The following DSCAML1 variants were observed in gnomAD, a reference collection of about 807,000 sequenced individuals.
DSCAML1 encodes cell adhesion molecule DSCAML1.
Under a neutral mutation model 200.5 loss-of-function variants are expected in DSCAML1, and 38 were observed. That is an observed-to-expected ratio of 0.19 (90% CI 0.15 to 0.25). The LOEUF is 0.25. Ranked by LOEUF, DSCAML1 falls within the 10% of genes least tolerant of loss-of-function variation. The probability of loss-of-function intolerance (pLI) is 1.00; values close to 1 mark genes in which losing one functional copy is unlikely to be tolerated. For synonymous variants in DSCAML1, 1,215 were observed against 1,165.0 expected (o/e 1.04, Z -0.87); for missense variants, 2,223 against 2,858.8 (o/e 0.78, Z 5.07).
chr11:117,811,421 T>TA (rs1440174625), intron 1 of DSCAML1, among the ~76,000 whole-genome samples: 7 of 152,142 alleles, frequency 4.6e-5, no homozygotes, highest in Admixed American at 6.5e-5. Context: ...TGTACAATAA[T>TA]AAAAAAAGTT....
rs762329735 is a variant in DSCAML1 at position 117,780,231 on chromosome 11, GGAAAGAAAGAAAGAAAGAAA to G, written c.364+242_364+261del. On this transcript the variant is annotated intron_variant, in intron 2 of 32. Coordinates refer to ENST00000651296, the MANE Select transcript of DSCAML1 (RefSeq NM_020693.4). The surrounding 1 kb of genome is among the most constrained non-coding windows in gnomAD (Gnocchi z 4.8). ...AAAGAGAGAGAGAGAAAGAAAGAAA[GGAAAGAAAGAAAGAAAGAAA>G]GAAAGAAAGAAAGAAAGAAAGAAAG... Among the ~76,000 whole-genome samples the G allele has an allele frequency of 1.6e-3, 95 of 60,694 alleles. No individual in the cohort carries two copies. Among genetic ancestry groups the G allele is most frequent in the African/African-American group, 2.2e-3 (34 of 15,300 alleles). 39.8% of individuals were successfully genotyped at this position (60,694 alleles called of 152,430 possible).
intron 3 of DSCAML1, among the ~76,000 whole-genome samples, chr11:117,725,406 G>C (rs959419527): frequency 5.9e-5 from 9 of 152,226 alleles, no homozygotes; most frequent in South Asian, 4.1e-4. Context: ...GTGCAGGGCA[G>C]AGGGAGCTTC....
At chr11:117,625,601 C>T (rs1434287120) in intron 3 of DSCAML1, among the ~76,000 whole-genome samples, 1 of 152,214 alleles carries the variant, frequency 6.6e-6, no homozygotes, top group Non-Finnish European at 1.5e-5. Context: ...AGAGAGGATG[C>T]TCTTCATACT....
Position 117,518,618 on chromosome 11 carries a change from C to T in DSCAML1, c.1358G>A (p.Ser453Asn), listed in dbSNP as rs755474977. 3.1e-6 allele frequency: 5 copies of T among 1,613,620 alleles called. No individual in the cohort carries two copies. The South Asian group carries it at 4.4e-5, about 14-fold the overall frequency. Residue 453 changes from serine (S) to asparagine (N), a missense_variant, in exon 7 of 33, where the codon AGC becomes AAC. Coordinates refer to ENST00000651296, the MANE Select transcript of DSCAML1 (RefSeq NM_020693.4). The surrounding 1 kb of genome is among the most constrained non-coding windows in gnomAD (Gnocchi z 6.3). The part of the protein sequence containing the change: ...LDDEPIVRDG[S>N]HRTNQYTMSD... ...CATGGTGTACTGGTTGGTGCGGTGG[C>T]TGCCATCCCGCACGATGGGCTCATC...
chr11:117,638,121 T>G (rs1272210313), intron 3 of DSCAML1, among the ~76,000 whole-genome samples: 1 of 152,148 alleles, frequency 6.6e-6, no homozygotes, highest in Admixed American at 6.5e-5. Flanking sequence ...GTGTTCTGGG[T>G]GGCTCCAGGG....
At chr11:117,779,605 C>A (rs528987186) in intron 2 of DSCAML1, among the ~76,000 whole-genome samples, 60 of 152,256 alleles carry the variant, frequency 3.9e-4, no homozygotes, top group African/African-American at 1.3e-3. Context: ...GTGAGAACAA[C>A]CAACCTCCCA....
At chr11:117,781,403 C>T (rs1223596835) in intron 1 of DSCAML1, among the ~76,000 whole-genome samples, 1 of 152,026 alleles carries the variant, frequency 6.6e-6, no homozygotes, top group African/African-American at 2.4e-5. Context: ...AAAATGTGAA[C>T]CCATTGCTCC....
chr11:117,805,050 A>G (rs951767576), intron 1 of DSCAML1, among the ~76,000 whole-genome samples: 4 of 152,102 alleles, frequency 2.6e-5, no homozygotes, highest in African/African-American at 7.2e-5. Context: ...CTGTTGTCCA[A>G]TGTTTTGTTG....
chr11:117,769,547 T>A (rs1284926408), intron 3 of DSCAML1, among the ~76,000 whole-genome samples: 311 of 2,360 alleles, frequency 0.13, 9 homozygotes, highest in East Asian at 0.39. Flanking sequence ...TATTATATAT[T>A]TTATATATAT....
intron 20 of DSCAML1, among the ~76,000 whole-genome samples, chr11:117,448,854 C>T (rs1462365653): frequency 1.3e-5 from 2 of 152,208 alleles, no homozygotes; most frequent in Middle Eastern, 3.4e-3. Context: ...CTCTCCTAGG[C>T]GTACACCTGG....
At chr11:117,524,636 A>C (rs2049941571) in intron 5 of DSCAML1, among the ~76,000 whole-genome samples, 169 bp downstream of exon 5, 1 of 152,202 alleles carries the variant, frequency 6.6e-6, no homozygotes, top group Non-Finnish European at 1.5e-5. Flanking sequence ...AGGCCTCCTG[A>C]TTTCAAGCCA....
intron 3 of DSCAML1, among the ~76,000 whole-genome samples, chr11:117,722,965 G>A (rs576881682): frequency 9.2e-5 from 14 of 152,264 alleles, no homozygotes; most frequent in African/African-American, 3.4e-4. Context: ...AAGGGGTTAC[G>A]AGTATAGGTT....
At position 117,745,060 on chromosome 11, in the gene DSCAML1, G is replaced by T. The variant is rs545214818; in HGVS notation, c.511+31731C>A. 2.6e-5 allele frequency among the ~76,000 whole-genome samples: 4 copies of T among 152,290 alleles called. No individual in the cohort carries two copies. The East Asian group carries it at 7.7e-4, about 29-fold the overall frequency. On this transcript the variant is annotated intron_variant, in intron 3 of 32. Transcript: ENST00000651296. ...GAACCGCACAGATGCAACATTGAGTGGGGGAAGCCAGGCATAAGAGAACGC... is the reference window on the plus strand; with the variant it reads ...GAACCGCACAGATGCAACATTGAGTTGGGGAAGCCAGGCATAAGAGAACGC...
intron 3 of DSCAML1, 99 bp from the exon 4 acceptor site, chr11:117,532,621 C>CA: frequency 3.3e-6 from 4 of 1,195,152 alleles, no homozygotes; most frequent in Non-Finnish European, 4.7e-6. Flanking sequence ...CACACACAAA[C>CA]AAAATGACAA....
intron 3 of DSCAML1, among the ~76,000 whole-genome samples, chr11:117,723,374 A>T (rs1481863092): frequency 3.9e-5 from 6 of 152,202 alleles, no homozygotes; most frequent in Non-Finnish European, 7.3e-5. Flanking sequence ...CCTGTTCCAA[A>T]TACTCCTTAT....
chr11:117,507,998 G>T (rs603858), intron 8 of DSCAML1, among the ~76,000 whole-genome samples: 1 of 152,002 alleles, frequency 6.6e-6, no homozygotes, highest in Admixed American at 6.5e-5. Context: ...GATCTCTCTT[G>T]TTGGGCCCCT....
At chr11:117,477,844 G>C (rs534222773) in intron 14 of DSCAML1, among the ~76,000 whole-genome samples, 3 of 152,320 alleles carry the variant, frequency 2.0e-5, no homozygotes, top group African/African-American at 7.2e-5. Flanking sequence ...GCCTGCCTGG[G>C]TGGGCTGTGC....
intron 4 of DSCAML1, among the ~76,000 whole-genome samples, chr11:117,531,273 G>T (rs2050072347): frequency 6.6e-6 from 1 of 152,104 alleles, no homozygotes; most frequent in Non-Finnish European, 1.5e-5. Flanking sequence ...TTCTGGCTGT[G>T]CCTCCCACTG....
At chr11:117,526,224 A>G (rs925001236) in intron 4 of DSCAML1, among the ~76,000 whole-genome samples, 1 of 152,036 alleles carries the variant, frequency 6.6e-6, no homozygotes, top group East Asian at 1.9e-4. Context: ...CACCTACACA[A>G]CACACCTCCG....
Sources: gnomAD v4.1 joint callset for allele counts (sites outside exome capture counted in the v4.1 genomes callset) on GRCh38, gnomAD v4.1.1 for gene constraint, Gnocchi (gnomAD v3.1) non-coding constraint, MANE v1.5 for transcripts, NCBI Gene and HGNC (gene_info 2026-07-23, HGNC 2026-07-21) for gene names.